Variants in WWOX observed in about 807,000 individuals in gnomAD.
WWOX encodes the protein WW domain-containing oxidoreductase.
Under a neutral mutation model 46.2 loss-of-function variants are expected in WWOX, and 69 were observed. The observed-to-expected ratio is 1.49, with a 90% CI of 1.23 to 1.82. WWOX has a LOEUF of 1.82. Ranked by LOEUF, WWOX falls within the 40% of genes most tolerant of loss-of-function variation. The pLI is 0.00. For synonymous variants in WWOX, 359 were observed against 202.6 expected (o/e 1.77, Z -6.56); for missense variants, 919 against 542.6 (o/e 1.69, Z -6.89).
At chr16:78,763,111 T>C (rs1463837963) in intron 8 of WWOX, among the ~76,000 whole-genome samples, 2 of 152,218 alleles carry the variant, frequency 1.3e-5, no homozygotes, top group East Asian at 3.9e-4. Context: ...CAAAGCACTA[T>C]TGTAGGCTGT....
chr16:78,423,775 G>A (rs892627423), intron 6 of WWOX, among the ~76,000 whole-genome samples: 1 of 150,780 alleles, frequency 6.6e-6, no homozygotes, highest in Non-Finnish European at 1.5e-5. Flanking sequence ...GAGCCTGGGA[G>A]TTTGAGACTG....
chr16:78,134,475 G>C (rs895352113), intron 4 of WWOX, among the ~76,000 whole-genome samples: 1 of 152,032 alleles, frequency 6.6e-6, no homozygotes, highest in East Asian at 1.9e-4. Flanking sequence ...ATGACAATTG[G>C]TATGAAATTT....
At chr16:78,539,646 T>G (rs1174619395) in intron 8 of WWOX, among the ~76,000 whole-genome samples, 1 of 152,254 alleles carries the variant, frequency 6.6e-6, no homozygotes, top group Non-Finnish European at 1.5e-5. Context: ...TATGTGTGTG[T>G]GCAAATTGTA....
At chr16:78,472,375 T>A (rs1286118487) in intron 8 of WWOX, among the ~76,000 whole-genome samples, 2 of 152,190 alleles carry the variant, frequency 1.3e-5, no homozygotes, top group Non-Finnish European at 2.9e-5. Flanking sequence ...TGAAAAACTT[T>A]GGGGCCTTGT....
chr16:78,205,821 C>A (rs1277924735), intron 5 of WWOX, among the ~76,000 whole-genome samples: 1 of 151,876 alleles, frequency 6.6e-6, no homozygotes, highest in African/African-American at 2.4e-5. Context: ...CCACACCTTC[C>A]TTCCTACCTT....
At position 78,815,270 on chromosome 16, in the gene WWOX, A is replaced by T. The variant is rs368856868; in HGVS notation, c.1056+382518A>T. On this transcript the variant is annotated intron_variant, in intron 8 of 8. Transcript: ENST00000566780. ...AGCCTCGGAGATGGAGGTTGCAGTG[A>T]GCCAAGATTGTGCCACTGCACTCCA... Among the ~76,000 whole-genome samples, 6 of 151,688 alleles carry T rather than the reference A, an allele frequency of 4.0e-5. No individual in the cohort carries two copies. In the East Asian group the frequency reaches 7.8e-4, roughly 20 times the overall value.
chr16:78,410,612 C>G (rs1167650446), intron 6 of WWOX, among the ~76,000 whole-genome samples: 1 of 151,728 alleles, frequency 6.6e-6, no homozygotes, highest in Non-Finnish European at 1.5e-5. Context: ...GAGTTTGAGA[C>G]CAACCTGGCC....
chr16:78,930,872 C>T (rs890717554), intron 8 of WWOX, among the ~76,000 whole-genome samples: 8 of 152,082 alleles, frequency 5.3e-5, no homozygotes, highest in African/African-American at 1.9e-4. Flanking sequence ...AGGAGAATGA[C>T]AGTTAAATGT....
intron 8 of WWOX, among the ~76,000 whole-genome samples, chr16:78,637,489 T>C (rs1208637538): frequency 3.9e-5 from 6 of 152,164 alleles, no homozygotes; most frequent in African/African-American, 1.4e-4. Flanking sequence ...GATGAGGCTT[T>C]TAAAGATACC....
At chr16:78,964,519 G>C (rs1006407857) in intron 8 of WWOX, among the ~76,000 whole-genome samples, 4 of 152,224 alleles carry the variant, frequency 2.6e-5, no homozygotes, top group Non-Finnish European at 5.9e-5. Flanking sequence ...CATTCAAGAG[G>C]TGACTTGGGT....
At chr16:78,486,149 C>G (rs977170640) in intron 8 of WWOX, among the ~76,000 whole-genome samples, 2 of 152,084 alleles carry the variant, frequency 1.3e-5, no homozygotes, top group Non-Finnish European at 2.9e-5. Flanking sequence ...TTGGCGGGAA[C>G]TAGGGGAAAC....
chr16:78,328,678 A>T (rs1239625369), intron 5 of WWOX, among the ~76,000 whole-genome samples: 2 of 152,200 alleles, frequency 1.3e-5, no homozygotes, highest in Non-Finnish European at 1.5e-5. Flanking sequence ...TACTCTTGAT[A>T]ATGCTGATGT....
At position 79,063,318 on chromosome 16, in the gene WWOX, T is replaced by A. The variant is rs549890745; in HGVS notation, c.1057-148290T>A. Among the ~76,000 whole-genome samples, 13 of 152,336 alleles carry A rather than the reference T, an allele frequency of 8.5e-5. No homozygotes were observed. In the East Asian group the frequency reaches 2.5e-3, roughly 29 times the overall value. ...AGCCGTGTTTTTGAAGTGTTCTTAT[T>A]TTTTGTTCCGAAATCGGAATATTTC... On this transcript the variant is annotated intron_variant, in intron 8 of 8. Transcript: ENST00000566780.
intron 8 of WWOX, among the ~76,000 whole-genome samples, chr16:78,661,384 C>T (rs1359051507): frequency 6.6e-6 from 1 of 152,120 alleles, no homozygotes; most frequent in Non-Finnish European, 1.5e-5. Context: ...ACTGTGTAGT[C>T]CAATCCCTAA....
intron 8 of WWOX, among the ~76,000 whole-genome samples, chr16:78,900,342 T>G (rs2044799527): frequency 6.6e-6 from 1 of 152,184 alleles, no homozygotes; most frequent in Non-Finnish European, 1.5e-5. Flanking sequence ...CCAAATGAGC[T>G]GTCACTCAAG....
At chr16:78,670,342 G>C (rs1400169260) in intron 8 of WWOX, among the ~76,000 whole-genome samples, 1 of 152,150 alleles carries the variant, frequency 6.6e-6, no homozygotes, top group African/African-American at 2.4e-5. Flanking sequence ...ACCTTTCCAA[G>C]CTCCCCAGTG....
rs560657284 is a variant in WWOX, at chr16:79,076,236, A to G, written c.1057-135372A>G. 2.0e-5 allele frequency among the ~76,000 whole-genome samples: 3 copies of G among 152,350 alleles called. No homozygotes were observed. The South Asian group carries it at 6.2e-4, about 32-fold the overall frequency. ...AAATCTGTGGGTTATGTGTGACCAC[A>G]CACAGTGTCGTGTTTGCTCCCTTTA... On this transcript the variant is annotated intron_variant, in intron 8 of 8. Coordinates refer to ENST00000566780, the MANE Select transcript of WWOX (RefSeq NM_016373.4).
intron 8 of WWOX, among the ~76,000 whole-genome samples, chr16:78,638,041 C>G (rs191774026): frequency 6.6e-6 from 1 of 152,330 alleles, no homozygotes; most frequent in African/African-American, 2.4e-5. Flanking sequence ...TTGCTCACAT[C>G]ATCCACTTCT....
At chr16:78,858,144 T>TTGTGTGTGTGTGTGTGTG (rs59637371) in intron 8 of WWOX, among the ~76,000 whole-genome samples, 6 of 148,650 alleles carry the variant, frequency 4.0e-5, no homozygotes, top group Middle Eastern at 3.6e-3. Flanking sequence ...CATTGTGTGT[T>TTGTGTGTGTGTGTGTGTG]TGTGTGTGTG....
Sources: gnomAD v4.1 joint callset for allele counts (sites outside exome capture counted in the v4.1 genomes callset) on GRCh38, gnomAD v4.1.1 for gene constraint, MANE v1.5 for transcripts, NCBI Gene and HGNC (gene_info 2026-07-23, HGNC 2026-07-21) for gene names.